SLC16A10: variants seen among roughly 807,000 people sequenced by gnomAD.
SLC16A10 encodes solute carrier family 16 member 10, also known as monocarboxylate transporter 10.
SLC16A10 carries 27 observed loss-of-function variants against 40.0 expected under a neutral mutation model. That is an observed-to-expected ratio of 0.67 (90% CI 0.50 to 0.93). SLC16A10 has a LOEUF of 0.93. SLC16A10 is among the 40% of genes least tolerant of loss of function. The pLI is 0.00. For missense variants in SLC16A10, 529 were observed against 658.2 expected (o/e 0.80, Z 2.15); for synonymous variants, 213 against 249.8 (o/e 0.85, Z 1.39).
At chr6:111,176,120 G>A (rs554088781) in intron 2 of SLC16A10, among the ~76,000 whole-genome samples, 46 of 152,152 alleles carry the variant, frequency 3.0e-4, no homozygotes, top group Non-Finnish European at 5.0e-4. Flanking sequence ...ATTAATTTGG[G>A]AAAGCCTAGA....
At chr6:111,163,790 A>G (rs1325346631) in intron 1 of SLC16A10, among the ~76,000 whole-genome samples, 1 of 152,208 alleles carries the variant, frequency 6.6e-6, no homozygotes, top group Non-Finnish European at 1.5e-5. Flanking sequence ...TAAGTCATTT[A>G]TTTAGCCAAA....
intron 1 of SLC16A10, among the ~76,000 whole-genome samples, chr6:111,166,086 G>A (rs1204827494): frequency 6.6e-6 from 1 of 152,120 alleles, no homozygotes; most frequent in African/African-American, 2.4e-5. Context: ...TGACAGAACT[G>A]TACAGAAAGA....
chr6:111,126,003 T>C (rs1369093235), intron 1 of SLC16A10, among the ~76,000 whole-genome samples: 5 of 152,208 alleles, frequency 3.3e-5, no homozygotes, highest in African/African-American at 1.2e-4. Context: ...AATTAGTAAC[T>C]TGAGTCAGTA....
intron 1 of SLC16A10, among the ~76,000 whole-genome samples, chr6:111,100,992 C>CTCTCTCTCTCTCTCTATA (rs1410556945): frequency 1.5e-5 from 1 of 66,426 alleles, no homozygotes; most frequent in African/African-American, 6.5e-5. Flanking sequence ...CTCTCTCTCT[C>CTCTCTCTCTCTCTCTATA]TATATATATA....
intron 3 of SLC16A10, among the ~76,000 whole-genome samples, chr6:111,186,454 T>C (rs1348352019): frequency 6.6e-6 from 1 of 152,170 alleles, no homozygotes; most frequent in Non-Finnish European, 1.5e-5. Context: ...GAAATAGAAA[T>C]CTTAATTTGA....
chr6:111,217,274 A>T (rs1165571187), intron 4 of SLC16A10, among the ~76,000 whole-genome samples: 1 of 152,196 alleles, frequency 6.6e-6, no homozygotes, highest in African/African-American at 2.4e-5. Flanking sequence ...CACCTCATAA[A>T]GTTGTTATGA....
At chr6:111,185,056 A>G (rs968696627) in intron 3 of SLC16A10, among the ~76,000 whole-genome samples, 5 of 152,190 alleles carry the variant, frequency 3.3e-5, no homozygotes, top group African/African-American at 1.2e-4. Flanking sequence ...GCTTCCTCAG[A>G]GGGAGATTCA....
intron 1 of SLC16A10, among the ~76,000 whole-genome samples, chr6:111,172,476 A>G (rs956914838): frequency 1.3e-5 from 2 of 152,210 alleles, no homozygotes; most frequent in Non-Finnish European, 2.9e-5. Context: ...CTATGGTTTT[A>G]TAAATGATTA....
chr6:111,136,775 A>G lies in SLC16A10; in HGVS notation c.344-35920A>G, dbSNP rs538862089. Among the ~76,000 whole-genome samples, 8 of 152,342 alleles carry G rather than the reference A, an allele frequency of 5.3e-5. No individual in the cohort carries two copies. The South Asian group carries it at 1.4e-3, about 28-fold the overall frequency. ...GTGTGTAGTGGTCAGTGATAATGGA[A>G]TACTTGAAAGTAATCCTCTGACTCC... On this transcript the variant is annotated intron_variant, in intron 1 of 5. Transcript: ENST00000368851.
intron 1 of SLC16A10, among the ~76,000 whole-genome samples, chr6:111,130,095 C>T (rs1771754023): frequency 6.6e-6 from 1 of 152,182 alleles, no homozygotes; most frequent in Non-Finnish European, 1.5e-5. Flanking sequence ...GAGACACAGT[C>T]ATCATGTCAG....
chr6:111,193,513 A>G (rs1773030901), intron 3 of SLC16A10, among the ~76,000 whole-genome samples: 1 of 152,240 alleles, frequency 6.6e-6, no homozygotes, highest in Non-Finnish European at 1.5e-5. Flanking sequence ...ATAATATACT[A>G]GCATAGGAAC....
intron 1 of SLC16A10, among the ~76,000 whole-genome samples, chr6:111,095,247 G>A (rs557323432): frequency 6.6e-6 from 1 of 152,262 alleles, no homozygotes; most frequent in African/African-American, 2.4e-5. Context: ...CTGTACCTTT[G>A]TGTGTGCCAC....
At chr6:111,134,672 G>A (rs538991974) in intron 1 of SLC16A10, among the ~76,000 whole-genome samples, 17 of 152,172 alleles carry the variant, frequency 1.1e-4, no homozygotes, top group African/African-American at 1.9e-4. Flanking sequence ...CTTCCAGTGC[G>A]GTCTCAAGGA....
chr6:111,097,627 A>C (rs1360281581), intron 1 of SLC16A10, among the ~76,000 whole-genome samples: 1 of 152,040 alleles, frequency 6.6e-6, no homozygotes, highest in African/African-American at 2.4e-5. Context: ...CTTTACTTTT[A>C]GTTATGTTGT....
chr6:111,200,734 T>A (rs1416971662), intron 3 of SLC16A10, among the ~76,000 whole-genome samples: 8 of 152,204 alleles, frequency 5.3e-5, no homozygotes, highest in Non-Finnish European at 1.2e-4. Flanking sequence ...CTACTCCCTT[T>A]CAGATGTACG....
chr6:111,204,946 A>C (rs2114581873), intron 3 of SLC16A10, among the ~76,000 whole-genome samples: 1 of 151,578 alleles, frequency 6.6e-6, no homozygotes, highest in East Asian at 1.9e-4. Context: ...TTTTTAATCC[A>C]GGCTTATAAG....
chr6:111,168,272 G>A (rs1772516090), intron 1 of SLC16A10, among the ~76,000 whole-genome samples: 1 of 152,146 alleles, frequency 6.6e-6, no homozygotes, highest in Admixed American at 6.5e-5. Context: ...GAGCCAACAC[G>A]CCTGGCCGTT....
At chr6:111,123,411 T>C (rs1469895781) in intron 1 of SLC16A10, among the ~76,000 whole-genome samples, 3 of 152,212 alleles carry the variant, frequency 2.0e-5, no homozygotes, top group African/African-American at 4.8e-5. Context: ...ATTTATTTAC[T>C]TGTGTAATTC....
In SLC16A10 at chr6:111,222,905, A is replaced by T. The variant is rs1451376494; in HGVS notation, c.*670A>T. ...AGCTGTTCAGAAATCATTTAAGTTT[A>T]CAGCGTTGTTCCCTTTGCGTTTGCA... On this transcript the variant is annotated 3_prime_UTR_variant, in exon 6 of 6. Coordinates refer to ENST00000368851, the MANE Select transcript of SLC16A10 (RefSeq NM_018593.5). 6.6e-6 allele frequency: 1 copy of T among 152,254 alleles called. No individual in the cohort carries two copies. The highest frequency in any genetic ancestry group is 6.5e-5 in the Admixed American group (1 of 15,280). The allele number at this position is 152,254 out of a possible 1,614,324, so 9.4% of individuals were successfully genotyped here. A position where few individuals can be genotyped will look rare whatever the true frequency, so the allele number is the denominator to read the frequency against.
Sources: gnomAD v4.1 joint callset for allele counts (sites outside exome capture counted in the v4.1 genomes callset) on GRCh38, gnomAD v4.1.1 for gene constraint, MANE v1.5 for transcripts, NCBI Gene and HGNC (gene_info 2026-07-23, HGNC 2026-07-21) for gene names.